The following DAP variants were observed in gnomAD, a reference collection of about 807,000 sequenced individuals.
DAP encodes death-associated protein 1.
Under a neutral mutation model 13.8 loss-of-function variants are expected in DAP, and 8 were observed. That is an observed-to-expected ratio of 0.58 (90% confidence interval 0.34 to 1.05). The LOEUF is 1.05. DAP is among the 50% of genes least tolerant of loss of function. The pLI is 0.03. For synonymous variants in DAP, 47 were observed against 47.5 expected, an observed-to-expected ratio of 0.99 and a Z score of 0.04; for missense variants, 106 against 133.2, an observed-to-expected ratio of 0.80 and a Z score of 1.01.
At chr5:10,697,524 T>G (rs1365718438) in intron 2 of DAP, among the ~76,000 whole-genome samples, 1 of 152,178 alleles carries the variant, frequency 6.6e-6, no homozygotes, top group Admixed American at 6.5e-5. Flanking sequence ...GCTTTAAAAA[T>G]CACTCTATTT....
At chr5:10,701,786 C>T (rs1378988652) in intron 2 of DAP, among the ~76,000 whole-genome samples, 2 of 152,174 alleles carry the variant, frequency 1.3e-5, no homozygotes, top group African/African-American at 4.8e-5. Flanking sequence ...TTATTACTAG[C>T]AGTGCTTTCT....
At chr5:10,757,569 C>G (rs771322132) in intron 1 of DAP, among the ~76,000 whole-genome samples, 1 of 152,162 alleles carries the variant, frequency 6.6e-6, no homozygotes, top group Admixed American at 6.6e-5. Flanking sequence ...CCACGACACC[C>G]GGCTCTGGGT....
chr5:10,695,333 GCA>G (rs1738416246), intron 2 of DAP, among the ~76,000 whole-genome samples: 1 of 152,238 alleles, frequency 6.6e-6, no homozygotes, highest in African/African-American at 2.4e-5. Context: ...AGGGCTGCTG[GCA>G]CCTGGGCACG....
At chr5:10,738,173 T>A (rs1739661429) in intron 2 of DAP, among the ~76,000 whole-genome samples, 1 of 152,250 alleles carries the variant, frequency 6.6e-6, no homozygotes, top group Admixed American at 6.5e-5. Context: ...CCACCCAGGT[T>A]GTGGCATTTT....
At position 10,704,200 on chromosome 5, in the gene DAP, T is replaced by C. The variant is rs568638595; in HGVS notation, c.153-20629A>G. On this transcript the variant is annotated intron_variant, in intron 2 of 3. Coordinates refer to ENST00000230895, the MANE Select transcript of DAP (RefSeq NM_004394.3). ...TAAAGGCAATATGTTATAAAAATCA[T>C]ATATAGTGAACAGTTCTGGAGGGGC... 4.6e-5 allele frequency among the ~76,000 whole-genome samples: 7 copies of C among 152,334 alleles called. No individual in the cohort carries two copies. The East Asian group carries it at 1.4e-3, about 29-fold the overall frequency.
chr5:10,701,113 C>T (rs541435317), intron 2 of DAP, among the ~76,000 whole-genome samples: 4 of 152,290 alleles, frequency 2.6e-5, no homozygotes, highest in South Asian at 2.1e-4. Flanking sequence ...CTGGGGCATC[C>T]GGGTACTTGG....
chr5:10,739,319 T>A (rs1288599558), intron 2 of DAP, among the ~76,000 whole-genome samples: 1 of 151,528 alleles, frequency 6.6e-6, no homozygotes, highest in Non-Finnish European at 1.5e-5. Context: ...TAGTACTTTT[T>A]TTTTTTGGCA....
chr5:10,725,259 T>C (rs1739259478), intron 2 of DAP, among the ~76,000 whole-genome samples: 1 of 152,240 alleles, frequency 6.6e-6, no homozygotes, highest in Admixed American at 6.5e-5. Context: ...TCCAGTCTAA[T>C]TTCCTTTATT....
chr5:10,707,353 G>A lies in DAP; in HGVS notation c.153-23782C>T, dbSNP rs1298970347. On this transcript the variant is annotated intron_variant, in intron 2 of 3. Coordinates refer to ENST00000230895, the MANE Select transcript of DAP (RefSeq NM_004394.3). This position sits in a 1 kb window ranked among gnomAD's most constrained non-coding sequence, Gnocchi z 4.0. ...GGAGAACTGCCCAAGGGTGCATTCT[G>A]CCTTTTCTCAACAGCAGCACAAACT... 2.6e-5 allele frequency among the ~76,000 whole-genome samples: 4 copies of A among 152,194 alleles called. No homozygotes were observed. The highest frequency in any genetic ancestry group is 5.9e-5 in the Non-Finnish European group (4 of 68,026).
chr5:10,734,273 G>A (rs1739544924), intron 2 of DAP: 1 of 152,408 alleles, frequency 6.6e-6, no homozygotes, highest in African/African-American at 2.4e-5. Context: ...TGGGACCTGT[G>A]GAGGGAGAGA....
At chr5:10,693,825 C>G (rs983186140) in intron 2 of DAP, among the ~76,000 whole-genome samples, 1 of 152,168 alleles carries the variant, frequency 6.6e-6, no homozygotes, top group East Asian at 1.9e-4. Flanking sequence ...TTCAAATCTA[C>G]CTAAAGATTT....
chr5:10,682,727 G>A (rs556910312), intron 3 of DAP, among the ~76,000 whole-genome samples: 3 of 152,396 alleles, frequency 2.0e-5, no homozygotes, highest in Admixed American at 6.5e-5. Flanking sequence ...CCACACACTG[G>A]CAGGACAGCA....
At chr5:10,717,722 G>A (rs1262630752) in intron 2 of DAP, among the ~76,000 whole-genome samples, 1 of 152,164 alleles carries the variant, frequency 6.6e-6, no homozygotes, top group Non-Finnish European at 1.5e-5. Context: ...GGCAGCACTC[G>A]ACCATCAAAG....
intron 2 of DAP, among the ~76,000 whole-genome samples, chr5:10,710,763 A>G (rs1202165276): frequency 6.6e-6 from 1 of 152,164 alleles, no homozygotes; most frequent in Non-Finnish European, 1.5e-5. Flanking sequence ...AGTCCCAATC[A>G]CCGGGTGTTA....
rs1212987100 is a variant in DAP, at chr5:10,680,327, T to TG, written c.*728dup. 4.7e-6 allele frequency: 1 copy of TG among 211,776 alleles called. No individual in the cohort carries two copies. Among genetic ancestry groups the TG allele is most frequent in the Non-Finnish European group, 9.5e-6 (1 of 105,716 alleles). The allele number at this position is 211,776 out of a possible 1,614,324, so 13.1% of individuals were successfully genotyped here. The stretch of plus-strand genomic sequence containing the variant: ...TGACTCCTGAAAGGCAGCCCTTGCT[T>TG]GATCTCCTGGTGGAGCCTGTCTGGG... On this transcript the variant is annotated 3_prime_UTR_variant, in exon 4 of 4. Transcript: ENST00000230895.
chr5:10,741,424 C>T (rs546423248), intron 2 of DAP, among the ~76,000 whole-genome samples: 26 of 152,188 alleles, frequency 1.7e-4, no homozygotes, highest in Admixed American at 3.3e-4. Flanking sequence ...TGCTACAAAT[C>T]GGGCTTTTAA....
At chr5:10,711,216 C>T (rs1457412992) in intron 2 of DAP, among the ~76,000 whole-genome samples, 1 of 152,208 alleles carries the variant, frequency 6.6e-6, no homozygotes, top group Non-Finnish European at 1.5e-5. Flanking sequence ...GAGCAGACCT[C>T]GGGATCAGCA....
At chr5:10,739,201 C>CAAAAAAAAAAAAAAAAAAAAAAAA (rs10644743) in intron 2 of DAP, among the ~76,000 whole-genome samples, 1 of 71,604 alleles carries the variant, frequency 1.4e-5, no homozygotes, top group Non-Finnish European at 2.5e-5. Context: ...GACTCTGAAT[C>CAAAAAAAAAAAAAAAAAAAAAAAA]AAAAAAAAAA....
rs1737922118 is a variant in DAP, at chr5:10,679,347, CA to C, written c.*1708del. On this transcript the variant is annotated 3_prime_UTR_variant, in exon 4 of 4. Transcript: ENST00000230895. ...TGATCTAAAGCTCACAGATGCATGC[CA>C]CATCTAGCTAAAAGTACATAAAAAG... 1 of 152,344 alleles carries C rather than the reference CA, an allele frequency of 6.6e-6. No individual in the cohort carries two copies. Among genetic ancestry groups the C allele is most frequent in the African/African-American group, 2.4e-5 (1 of 41,446 alleles). The allele number at this position is 152,344 out of a possible 1,614,324, so 9.4% of individuals were successfully genotyped here. A position where few individuals can be genotyped will look rare whatever the true frequency, so the allele number is the denominator to read the frequency against.
Sources: gnomAD v4.1 joint callset for allele counts (sites outside exome capture counted in the v4.1 genomes callset) on GRCh38, gnomAD v4.1.1 for gene constraint, Gnocchi (gnomAD v3.1) non-coding constraint, MANE v1.5 for transcripts, NCBI Gene and HGNC (gene_info 2026-07-23, HGNC 2026-07-21) for gene names.